ETV4: variants seen among roughly 807,000 people sequenced by gnomAD.
ETV4 encodes the protein ETS translocation variant 4.
In ETV4, 42 loss-of-function variants were observed where a neutral mutation model predicts 65.9. That is an observed-to-expected ratio of 0.64 (90% CI 0.50 to 0.82). The LOEUF is 0.82. ETV4 is among the 40% of genes least tolerant of loss of function. ETV4 has a pLI of 0.00. For synonymous variants in ETV4, 238 were observed against 260.0 expected, an observed-to-expected ratio of 0.92 and a Z score of 0.81; for missense variants, 583 against 630.3, an observed-to-expected ratio of 0.92 and a Z score of 0.80.
At chr17:43,544,752 A>G in intron 4 of ETV4, 1 of 502,486 alleles carries the variant, frequency 2.0e-6, no homozygotes, top group Non-Finnish European at 3.6e-6. Context: ...AAGCCTAGTT[A>G]CACAAGCCTG....
At chr17:43,530,518 G>C (rs1487064974) in intron 8 of ETV4, 1 of 1,056,368 alleles carries the variant, frequency 9.5e-7, no homozygotes, top group African/African-American at 1.6e-5. Flanking sequence ...GAACGTCCGG[G>C]GAAAGAGTTC....
chr17:43,535,866 A>G (rs1481917611), intron 5 of ETV4, among the ~76,000 whole-genome samples: 1 of 152,328 alleles, frequency 6.6e-6, no homozygotes, highest in East Asian at 1.9e-4. Flanking sequence ...TAGTCCCAAC[A>G]CTATGGGAGG....
chr17:43,530,038 A>T, intron 9 of ETV4, 69 bp downstream of exon 9: 1 of 1,603,380 alleles, frequency 6.2e-7, no homozygotes, highest in Non-Finnish European at 8.5e-7. Context: ...GGCCAGGGAG[A>T]CCCTCCCCCA....
At chr17:43,540,870 A>G (rs1283986878) in intron 4 of ETV4, among the ~76,000 whole-genome samples, 2 of 152,098 alleles carry the variant, frequency 1.3e-5, no homozygotes, top group Non-Finnish European at 2.9e-5. Context: ...CCCAAGGGAA[A>G]GGGTGGTGCA....
At chr17:43,531,559 C>T (rs1453951792) in intron 8 of ETV4, among the ~76,000 whole-genome samples, 1 of 152,168 alleles carries the variant, frequency 6.6e-6, no homozygotes, top group African/African-American at 2.4e-5. Context: ...CAAAAACTAG[C>T]TGGGCATGGT....
chr17:43,529,191 A>C lies in ETV4; in HGVS notation c.1174T>G (p.Tyr392Asp). The C allele has an allele frequency of 6.2e-7, 1 of 1,613,926 alleles. No individual in the cohort carries two copies. Among genetic ancestry groups the C allele is most frequent in the Non-Finnish European group, 8.5e-7 (1 of 1,180,018 alleles). ...CGGAGCGAGCGGCTCAGCTTGTCGT[A>C]ATTCATGGCTGGCCGGTTCTTCTGG... is the stretch of plus-strand genomic sequence containing the variant. The part of the protein sequence containing the change: ...GIQKNRPAMN[Y>D]DKLSRSLRYY... The change falls in exon 12 of 13, where the codon TAC (tyrosine) becomes GAC (aspartate). Residue 392 changes from tyrosine (Y) to aspartate (D), a missense_variant. Tyr to Asp is a radical substitution (Grantham distance 160, BLOSUM62 -3). Coordinates refer to ENST00000319349, the MANE Select transcript of ETV4 (RefSeq NM_001079675.5).
At chr17:43,539,460 A>G (rs1340655739) in intron 4 of ETV4, among the ~76,000 whole-genome samples, 1 of 152,092 alleles carries the variant, frequency 6.6e-6, no homozygotes, top group Non-Finnish European at 1.5e-5. Flanking sequence ...TGCCACCTGA[A>G]TATATTAATT....
chr17:43,528,360 GTGAGCAGCTCAGAGTC>G lies in ETV4; in HGVS notation c.*143_*158del. ...CCACTTTTCCTTCCCAATGACTCCG[GTGAGCAGCTCAGAGTC>G]TGGGCTAGGGCAACTGGTAGGACAG... On this transcript the variant is annotated 3_prime_UTR_variant, in exon 13 of 13. Coordinates refer to ENST00000319349, the MANE Select transcript of ETV4 (RefSeq NM_001079675.5). 1 of 543,824 alleles carries G rather than the reference GTGAGCAGCTCAGAGTC, an allele frequency of 1.8e-6. No individual in the cohort carries two copies. Among genetic ancestry groups the G allele is most frequent in the Non-Finnish European group, 3.2e-6 (1 of 308,532 alleles). The allele number at this position is 543,824 out of a possible 1,614,324, so 33.7% of individuals were successfully genotyped here. A position where few individuals can be genotyped will look rare whatever the true frequency, so the allele number is the denominator to read the frequency against.
At chr17:43,543,587 A>G (rs1971638845) in intron 4 of ETV4, among the ~76,000 whole-genome samples, 1 of 152,132 alleles carries the variant, frequency 6.6e-6, no homozygotes, top group African/African-American at 2.4e-5. Flanking sequence ...GAAGTCTTTG[A>G]GAGCCCACGG....
At position 43,529,492 on chromosome 17, in the gene ETV4, C is replaced by A. The variant is rs150661130; in HGVS notation, c.1128+12G>T. The A allele has an allele frequency of 1.3e-6, 2 of 1,598,896 alleles. No homozygotes were observed. The highest frequency in any genetic ancestry group is 2.2e-5 in the East Asian group (1 of 44,568). The stretch of plus-strand genomic sequence containing the variant: ...TTTGGAAAGGAGGGCTGGGAACATC[C>A]GAGAGGCCCACCTCCTCAGGCTCAA... On this transcript the variant is annotated intron_variant, in intron 11 of 12. Transcript: ENST00000319349.
chr17:43,544,351 C>G (rs961007535), intron 4 of ETV4: 1 of 152,720 alleles, frequency 6.5e-6, no homozygotes, highest in Non-Finnish European at 1.5e-5. Flanking sequence ...GGTATTCAAG[C>G]GGGATGGAAG....
chr17:43,528,521 A>C lies in ETV4; in HGVS notation c.1453T>G (p.Ter485GluextTer18), dbSNP rs775984025. 2.5e-6 allele frequency: 4 copies of C among 1,603,244 alleles called. No individual in the cohort carries two copies. In the South Asian group the frequency reaches 3.3e-5, roughly 13 times the overall value. The change falls in exon 13 of 13, where the codon TAG (stop) becomes GAG (glutamate). Residue 485 changes from the stop codon to glutamate, a stop_lost. Transcript: ENST00000319349. Reference sequence around the variant, plus strand: ...GCAGGGGGAACAGCCGCTGGGGGCTAGTAAGAGTAGCCACCCTTGGGGCCA... The same window carrying C: ...GCAGGGGGAACAGCCGCTGGGGGCTCGTAAGAGTAGCCACCCTTGGGGCCA... ...PFGPKGGYSY[*>E] is the part of the protein sequence containing the mutation.
Position 43,536,117 on chromosome 17 carries a change from A to AAAACAAAC in ETV4, c.256+301_256+308dup, listed in dbSNP as rs113078365. ...CAGAGCAAGACTCTGTCTTGGGGGGAAAACAAACAAACAAACAAACAAACA... is the reference window on the plus strand; with the variant it reads ...CAGAGCAAGACTCTGTCTTGGGGGGAAAACAAACAAACAAACAAACAAACAAACAAACA... On this transcript the variant is annotated intron_variant, in intron 5 of 12. Transcript: ENST00000319349. Among the ~76,000 whole-genome samples the AAAACAAAC allele has an allele frequency of 7.0e-4, 106 of 151,728 alleles. 1 individual carries two copies. The highest frequency in any genetic ancestry group is 2.4e-3 in the African/African-American group (98 of 41,412).
At chr17:43,536,514 A>C (rs1354412968) in intron 4 of ETV4, 35 bp from the exon 5 acceptor site, 1 of 1,606,948 alleles carries the variant, frequency 6.2e-7, no homozygotes, top group South Asian at 1.1e-5. Flanking sequence ...TTTGGGGCGG[A>C]GCCCTGGTTG....
rs1971784151 is a variant in ETV4, at chr17:43,545,657, G to GGGGGCCGAGACCTGGTGGGGGA, written c.-51-11_-41dup. 1 of 1,542,674 alleles carries GGGGGCCGAGACCTGGTGGGGGA rather than the reference G, an allele frequency of 6.5e-7. No individual in the cohort carries two copies. The highest frequency in any genetic ancestry group is 1.4e-5 in the African/African-American group (1 of 72,842). ...CGGCCGCACGGCCGGGGCCCCAAGCGGGGGCCGAGACCTGGTGGGGGAGGG... is the reference window on the plus strand; with the variant it reads ...CGGCCGCACGGCCGGGGCCCCAAGCGGGGGCCGAGACCTGGTGGGGGAGGGGCCGAGACCTGGTGGGGGAGGG... On this transcript the variant is annotated 5_prime_UTR_variant, in exon 2 of 13. Coordinates refer to ENST00000319349, the MANE Select transcript of ETV4 (RefSeq NM_001079675.5).
Position 43,528,660 on chromosome 17 carries a change from T to C in ETV4, c.1314A>G (p.Pro438=). The change falls in exon 13 of 13, where the codon CCA becomes CCG. Residue 438 remains proline, a synonymous_variant. Coordinates refer to ENST00000319349, the MANE Select transcript of ETV4 (RefSeq NM_001079675.5). The stretch of plus-strand genomic sequence containing the variant: ...GCCGGTCAAACTCAGCCTTGAGAGC[T>C]GGACGCTGATTGTCCGGGAAGGCCA... ...FSLAFPDNQR[P]ALKAEFDRPV... is the part of the protein sequence containing the mutation. 6.2e-7 allele frequency: 1 copy of C among 1,614,188 alleles called. No individual in the cohort carries two copies. Among genetic ancestry groups the C allele is most frequent in the Non-Finnish European group, 8.5e-7 (1 of 1,180,026 alleles).
chr17:43,540,647 TC>T (rs955744648), intron 4 of ETV4, among the ~76,000 whole-genome samples: 3 of 152,092 alleles, frequency 2.0e-5, no homozygotes, highest in Non-Finnish European at 4.4e-5. Flanking sequence ...GCTCAGGTAA[TC>T]CTTTCACTTC....
chr17:43,536,571 C>G (rs1046572401), intron 4 of ETV4, 92 bp from the exon 5 acceptor site: 4 of 1,084,294 alleles, frequency 3.7e-6, no homozygotes, highest in African/African-American at 3.1e-5. Flanking sequence ...TAGCAACAGC[C>G]AAGAAAGGAC....
intron 8 of ETV4, 44 bp downstream of exon 8, chr17:43,532,630 G>C: frequency 1.3e-6 from 2 of 1,557,040 alleles, no homozygotes; most frequent in Non-Finnish European, 1.7e-6. Flanking sequence ...GGGCTTAACT[G>C]AACACTTGAT....
Sources: gnomAD v4.1 joint callset for allele counts (sites outside exome capture counted in the v4.1 genomes callset) on GRCh38, gnomAD v4.1.1 for gene constraint, MANE v1.5 for transcripts, NCBI Gene and HGNC (gene_info 2026-07-23, HGNC 2026-07-21) for gene names.